Variants in SORCS2 observed in about 807,000 individuals in gnomAD.
SORCS2 encodes sortilin related VPS10 domain containing receptor 2, also known as VPS10 domain-containing receptor SorCS2.
SORCS2 carries 100 observed loss-of-function variants against 141.6 expected under a neutral mutation model. The ratio of observed to expected loss-of-function variants is 0.71; its 90% confidence interval spans 0.60 to 0.83. SORCS2 has a LOEUF of 0.83. Ranked by LOEUF, SORCS2 falls within the 40% of genes least tolerant of loss-of-function variation. SORCS2 has a pLI of 0.00. For missense variants in SORCS2, 1,646 were observed against 1,560.2 expected, an observed-to-expected ratio of 1.05 and a Z score of -0.93; for synonymous variants, 789 against 676.9, an observed-to-expected ratio of 1.17 and a Z score of -2.57.
chr4:7,376,763 G>A (rs1012209399), intron 1 of SORCS2, among the ~76,000 whole-genome samples: 4 of 152,066 alleles, frequency 2.6e-5, no homozygotes, highest in African/African-American at 7.2e-5. Context: ...AGAAGGGATC[G>A]TGACCAACAC....
At chr4:7,669,980 T>C (rs4689151) in intron 8 of SORCS2, among the ~76,000 whole-genome samples, 99,125 of 152,238 alleles carry the variant, frequency 0.65, 35,574 homozygotes, top group East Asian at 0.83. Flanking sequence ...TGTTTCCATT[T>C]TTTTATAATT....
At chr4:7,680,231 G>A (rs1224434901) in intron 9 of SORCS2, among the ~76,000 whole-genome samples, 2 of 152,224 alleles carry the variant, frequency 1.3e-5, no homozygotes, top group Admixed American at 6.5e-5. Flanking sequence ...GGACCTGTCT[G>A]CAGCCAATCT....
At chr4:7,579,357 G>T (rs747622229) in intron 3 of SORCS2, among the ~76,000 whole-genome samples, 22 of 151,070 alleles carry the variant, frequency 1.5e-4, no homozygotes, top group Non-Finnish European at 2.8e-4. Context: ...ACACCCACCC[G>T]TGTGTGTGTG....
intron 2 of SORCS2, among the ~76,000 whole-genome samples, chr4:7,461,640 C>T (rs1343591762): frequency 1.3e-5 from 2 of 152,198 alleles, no homozygotes; most frequent in Non-Finnish European, 2.9e-5. Flanking sequence ...AGCAGCCTCG[C>T]TGCTGGGGTG....
At chr4:7,715,940 C>T (rs1248972541) in intron 17 of SORCS2, among the ~76,000 whole-genome samples, 1 of 152,224 alleles carries the variant, frequency 6.6e-6, no homozygotes, top group African/African-American at 2.4e-5. Context: ...GTAAGCTCCA[C>T]AACACACAGT....
At chr4:7,265,419 A>G (rs1334314913) in intron 1 of SORCS2, among the ~76,000 whole-genome samples, 2 of 152,152 alleles carry the variant, frequency 1.3e-5, no homozygotes, top group Non-Finnish European at 2.9e-5. Context: ...TGAACCTGGG[A>G]GGCAGAGGGT....
intron 4 of SORCS2, among the ~76,000 whole-genome samples, chr4:7,643,780 A>C (rs913685269): frequency 6.6e-6 from 1 of 152,144 alleles, no homozygotes; most frequent in African/African-American, 2.4e-5. Context: ...GAGAGCCCTA[A>C]TATTGAGTGA....
At chr4:7,520,656 C>T (rs1344114278) in intron 2 of SORCS2, among the ~76,000 whole-genome samples, 3 of 152,280 alleles carry the variant, frequency 2.0e-5, no homozygotes, top group East Asian at 3.9e-4. Flanking sequence ...GCACAGGCAC[C>T]GGGGGTGGCC....
At chr4:7,610,294 T>A (rs1201425175) in intron 3 of SORCS2, among the ~76,000 whole-genome samples, 3 of 152,150 alleles carry the variant, frequency 2.0e-5, no homozygotes, top group Non-Finnish European at 4.4e-5. Flanking sequence ...GATGCTGGTG[T>A]CAAGTTGCCA....
chr4:7,681,967 C>T (rs1055293472), intron 9 of SORCS2, among the ~76,000 whole-genome samples: 2 of 152,284 alleles, frequency 1.3e-5, no homozygotes, highest in Middle Eastern at 3.4e-3. Context: ...CTCTTCACAC[C>T]ACACTAGTGG....
At chr4:7,251,376 T>C (rs1560140948) in intron 1 of SORCS2, among the ~76,000 whole-genome samples, 1 of 152,186 alleles carries the variant, frequency 6.6e-6, no homozygotes, top group Non-Finnish European at 1.5e-5. Flanking sequence ...ATACGAATAT[T>C]CAAAACGTGG....
intron 3 of SORCS2, among the ~76,000 whole-genome samples, chr4:7,636,030 G>A (rs762002922): frequency 6.6e-6 from 1 of 152,150 alleles, no homozygotes; most frequent in African/African-American, 2.4e-5. Flanking sequence ...GATATTTTGG[G>A]GTCTAGCAAG....
chr4:7,362,510 A>G (rs1005698553), intron 1 of SORCS2, among the ~76,000 whole-genome samples: 1 of 152,182 alleles, frequency 6.6e-6, no homozygotes, highest in African/African-American at 2.4e-5. Context: ...TATGTGCTCA[A>G]CACCCATCTG....
intron 3 of SORCS2, among the ~76,000 whole-genome samples, chr4:7,584,849 G>A (rs1023667517): frequency 6.6e-6 from 1 of 152,196 alleles, no homozygotes; most frequent in Non-Finnish European, 1.5e-5. Flanking sequence ...TGAGAATATC[G>A]ATGTCATTAG....
chr4:7,725,422 C>T (rs1727149512), intron 20 of SORCS2, 135 bp downstream of exon 20: 2 of 1,302,540 alleles, frequency 1.5e-6, no homozygotes, highest in African/African-American at 1.5e-5. Context: ...TGGGCCCCTC[C>T]TGGGGCAGTT....
At chr4:7,581,111 G>A (rs1716111477) in intron 3 of SORCS2, among the ~76,000 whole-genome samples, 3 of 149,984 alleles carry the variant, frequency 2.0e-5, no homozygotes, top group Non-Finnish European at 3.0e-5. Context: ...GAAATGAAAA[G>A]TGATATGTCT....
intron 1 of SORCS2, among the ~76,000 whole-genome samples, chr4:7,338,163 G>GGATA (rs1371531950): frequency 6.8e-6 from 1 of 146,656 alleles, no homozygotes; most frequent in Non-Finnish European, 1.5e-5. Flanking sequence ...GATGTTGGTT[G>GGATA]GATGGATGGA....
chr4:7,693,598 C>T (rs1405710465), intron 11 of SORCS2, among the ~76,000 whole-genome samples: 1 of 152,246 alleles, frequency 6.6e-6, no homozygotes, highest in Non-Finnish European at 1.5e-5. Context: ...CCTCAGGATC[C>T]AACACAGAGC....
chr4:7,434,514 G>A (rs765636338), intron 2 of SORCS2: 6 of 1,612,862 alleles, frequency 3.7e-6, no homozygotes, highest in Non-Finnish European at 5.1e-6. Flanking sequence ...GGGCCCCACG[G>A]AGCATGCTCA....
Sources: gnomAD v4.1 joint callset for allele counts (sites outside exome capture counted in the v4.1 genomes callset) on GRCh38, gnomAD v4.1.1 for gene constraint, MANE v1.5 for transcripts, NCBI Gene and HGNC (gene_info 2026-07-23, HGNC 2026-07-21) for gene names.